The following HDAC9 variants were observed in gnomAD, a reference collection of about 807,000 sequenced individuals.
HDAC9 encodes histone deacetylase 9.
In HDAC9, 41 loss-of-function variants were observed where a neutral mutation model predicts 139.4. The observed-to-expected ratio is 0.29, with a 90% CI of 0.23 to 0.38. The LOEUF is 0.38. Among genes scored for constraint, HDAC9 ranks in the 10% least tolerant of loss-of-function variants. The pLI is 1.00. For synonymous variants in HDAC9, 517 were observed against 476.2 expected (o/e 1.09, Z -1.12); for missense variants, 1,147 against 1,297.0 (o/e 0.88, Z 1.78).
intron 1 of HDAC9, among the ~76,000 whole-genome samples, chr7:18,376,940 A>C (rs1433360540): frequency 4.6e-5 from 7 of 152,132 alleles, no homozygotes; most frequent in African/African-American, 1.7e-4. Flanking sequence ...TGGCAACCTA[A>C]GCTGATGAAG....
At chr7:18,460,751 G>A (rs1194807323) in intron 1 of HDAC9, among the ~76,000 whole-genome samples, 1 of 139,314 alleles carries the variant, frequency 7.2e-6, no homozygotes, top group Non-Finnish European at 1.5e-5. Context: ...TCGCGCCATT[G>A]CATTCCAGCC....
At chr7:18,154,675 A>T (rs1176742871) in intron 1 of HDAC9, among the ~76,000 whole-genome samples, 1 of 152,230 alleles carries the variant, frequency 6.6e-6, no homozygotes, top group Non-Finnish European at 1.5e-5. Flanking sequence ...CAACGTGGGG[A>T]TTATCAGATC....
At chr7:18,876,070 AT>A (rs1425192490) in intron 22 of HDAC9, among the ~76,000 whole-genome samples, 1 of 152,154 alleles carries the variant, frequency 6.6e-6, no homozygotes, top group Admixed American at 6.6e-5. Flanking sequence ...GGGATTGATC[AT>A]TTTGTTCCCT....
intron 12 of HDAC9, among the ~76,000 whole-genome samples, chr7:18,706,835 G>T (rs79561142): frequency 6.6e-6 from 1 of 152,186 alleles, no homozygotes; most frequent in African/African-American, 2.4e-5. Context: ...TAAATCAACC[G>T]ATGACAGCTT....
chr7:18,138,246 CA>C (rs1200215211), intron 1 of HDAC9, among the ~76,000 whole-genome samples: 2 of 151,912 alleles, frequency 1.3e-5, no homozygotes, highest in African/African-American at 4.8e-5. Flanking sequence ...TTGATCCTTT[CA>C]AAAAACCAGC....
chr7:18,942,789 G>T (rs1585369750), intron 23 of HDAC9, among the ~76,000 whole-genome samples: 1 of 152,000 alleles, frequency 6.6e-6, no homozygotes, highest in South Asian at 2.1e-4. Context: ...TTACACCACA[G>T]AAATCAGCAA....
At chr7:18,303,287 G>T (rs1038599184) in intron 1 of HDAC9, among the ~76,000 whole-genome samples, 2 of 151,660 alleles carry the variant, frequency 1.3e-5, no homozygotes, top group Non-Finnish European at 2.9e-5. Flanking sequence ...GCGCGATCTC[G>T]GCTCACTGCA....
rs546574741 is a variant in HDAC9 at position 18,280,707 on chromosome 7, G to A, written c.25+118358G>A. 2.0e-5 allele frequency among the ~76,000 whole-genome samples: 3 copies of A among 151,652 alleles called. 1 individual carries two copies. Among genetic ancestry groups the A allele is most frequent in the African/African-American group, 7.3e-5 (3 of 41,350 alleles). On this transcript the variant is annotated intron_variant, in intron 2 of 12. Coordinates refer to the HDAC9 transcript ENST00000417496. ...GAGCCCAGGAGGTCAAGGTGACAGT[G>A]AGCCATGATTGTTCCACTGTATTCC...
chr7:18,940,953 A>T (rs1781985213), intron 23 of HDAC9, among the ~76,000 whole-genome samples: 1 of 152,082 alleles, frequency 6.6e-6, no homozygotes, highest in Non-Finnish European at 1.5e-5. Flanking sequence ...CCATTAGAAG[A>T]TCACCTGTCA....
chr7:18,630,608 G>C (rs1562655964), intron 7 of HDAC9, among the ~76,000 whole-genome samples: 3 of 152,060 alleles, frequency 2.0e-5, no homozygotes, highest in South Asian at 4.1e-4. Context: ...GATTTCAATG[G>C]AAAGTATTTC....
chr7:18,518,754 G>A (rs998650298), intron 2 of HDAC9, among the ~76,000 whole-genome samples: 1 of 152,172 alleles, frequency 6.6e-6, no homozygotes, highest in African/African-American at 2.4e-5. Flanking sequence ...AATAGCCCTG[G>A]CTGGCTCCTC....
intron 2 of HDAC9, among the ~76,000 whole-genome samples, chr7:18,526,065 T>G (rs931018651): frequency 2.6e-5 from 4 of 152,166 alleles, no homozygotes; most frequent in Admixed American, 6.6e-5. Context: ...TAGGGGTACA[T>G]AAATAATTAT....
chr7:18,370,296 A>C (rs990802029), intron 1 of HDAC9, among the ~76,000 whole-genome samples: 1 of 151,890 alleles, frequency 6.6e-6, no homozygotes, highest in Non-Finnish European at 1.5e-5. Context: ...CTAGCAGTGA[A>C]AGGAGTAACA....
At chr7:18,781,160 A>G (rs1238686009) in intron 16 of HDAC9, among the ~76,000 whole-genome samples, 2 of 151,930 alleles carry the variant, frequency 1.3e-5, no homozygotes, top group African/African-American at 4.8e-5. Flanking sequence ...GTCATTTTGT[A>G]TTAGGGCCCC....
chr7:18,451,401 G>GTGTGTATA lies in HDAC9; in HGVS notation c.-41-44860_-41-44859insGTGTATAT, dbSNP rs760861605. On this transcript the variant is annotated intron_variant, in intron 1 of 3. Coordinates refer to the HDAC9 transcript ENST00000413509. ...TGTGTGTGTGTGTGTGTGTGTGTGT[G>GTGTGTATA]TATATATGTGTGTGTGTGTGTATAT... Among the ~76,000 whole-genome samples the GTGTGTATA allele has an allele frequency of 7.4e-5, 10 of 135,282 alleles. No individual in the cohort carries two copies. In the East Asian group the frequency reaches 8.5e-4, roughly 11 times the overall value. 88.8% of individuals were successfully genotyped at this position (135,282 alleles called of 152,430 possible). A position where few individuals can be genotyped will look rare whatever the true frequency, so the allele number is the denominator to read the frequency against.
intron 13 of HDAC9, among the ~76,000 whole-genome samples, chr7:18,730,509 CCTT>C (rs1486349024): frequency 6.6e-6 from 1 of 152,132 alleles, no homozygotes; most frequent in Non-Finnish European, 1.5e-5. Context: ...ATACAGTAGA[CCTT>C]CTTATCTGCA....
chr7:18,599,292 A>G lies in HDAC9; in HGVS notation c.664+5263A>G, dbSNP rs937026206. ...GTACATTTGTTGCAATTAAGGAACAACTATTGATACATTATTGTTAATGCA... is the reference window on the plus strand; with the variant it reads ...GTACATTTGTTGCAATTAAGGAACAGCTATTGATACATTATTGTTAATGCA... On this transcript the variant is annotated intron_variant, in intron 6 of 25. Transcript: ENST00000686413. Among the ~76,000 whole-genome samples, 4 of 152,208 alleles carry G rather than the reference A, an allele frequency of 2.6e-5. No individual in the cohort carries two copies. The East Asian group carries it at 7.7e-4, about 29-fold the overall frequency.
At chr7:18,244,994 C>CCTCCATCTATCTATCTATCTATCT (rs71553924) in intron 2 of HDAC9, among the ~76,000 whole-genome samples, 5 of 147,960 alleles carry the variant, frequency 3.4e-5, no homozygotes, top group Non-Finnish European at 5.9e-5. Context: ...ATCTAATCTG[C>CCTCCATCTATCTATCTATCTATCT]ATCTATCTAT....
intron 13 of HDAC9, among the ~76,000 whole-genome samples, chr7:18,728,402 A>AACACACACAC (rs56281287): frequency 3.4e-5 from 5 of 145,554 alleles, no homozygotes; most frequent in Non-Finnish European, 6.1e-5. Flanking sequence ...TTAAGTGTGG[A>AACACACACAC]ACACACACAC....
Sources: gnomAD v4.1 joint callset for allele counts (sites outside exome capture counted in the v4.1 genomes callset) on GRCh38, gnomAD v4.1.1 for gene constraint, MANE v1.5 for transcripts, NCBI Gene and HGNC (gene_info 2026-07-23, HGNC 2026-07-21) for gene names.